Variants in PIK3R4 observed in about 807,000 individuals in gnomAD.
The protein encoded by PIK3R4 is phosphoinositide-3-kinase regulatory subunit 4.
A neutral mutation model predicts 136.5 loss-of-function variants in PIK3R4; 46 were observed. That is an observed-to-expected ratio of 0.34 (90% confidence interval 0.27 to 0.43). The LOEUF (loss-of-function observed/expected upper bound fraction) is 0.43. Ranked by LOEUF, PIK3R4 falls within the 20% of genes least tolerant of loss-of-function variation. The pLI, the probability that PIK3R4 is intolerant of heterozygous loss-of-function variation, is 1.00. For missense variants in PIK3R4, 1,331 were observed against 1,649.5 expected, an observed-to-expected ratio of 0.81 and a Z score of 3.35; for synonymous variants, 557 against 566.7, an observed-to-expected ratio of 0.98 and a Z score of 0.24.
In PIK3R4 at chr3:130,686,242, A is replaced by G; in HGVS notation, c.3444T>C (p.Ala1148=). ...DLKSGLITSF[A]VDIHQCWLCI... is the part of the protein sequence containing the mutation. Reference sequence around the variant, plus strand: ...AGAGCCAGCATTGGTGGATGTCCACAGCAAAGGAAGTGATGAGGCCCGACT... The same window carrying G: ...AGAGCCAGCATTGGTGGATGTCCACGGCAAAGGAAGTGATGAGGCCCGACT... The change falls in exon 15 of 20, where the codon GCT becomes GCC. Residue 1148 remains alanine, a synonymous_variant. Transcript: ENST00000356763. 6.2e-7 allele frequency: 1 copy of G among 1,613,292 alleles called. No individual in the cohort carries two copies. Among genetic ancestry groups the G allele is most frequent in the Non-Finnish European group, 8.5e-7 (1 of 1,179,314 alleles).
chr3:130,699,688 G>A (rs1459626164), intron 13 of PIK3R4, among the ~76,000 whole-genome samples: 2 of 152,078 alleles, frequency 1.3e-5, no homozygotes, highest in Non-Finnish European at 2.9e-5. Context: ...CAGATTTTTG[G>A]AGGTCCTTAC....
chr3:130,743,241 T>C (rs1449617472), intron 2 of PIK3R4, among the ~76,000 whole-genome samples: 3 of 151,216 alleles, frequency 2.0e-5, no homozygotes, highest in African/African-American at 7.3e-5. Context: ...TAAAATAGTC[T>C]CTACCAAAAA....
intron 8 of PIK3R4, among the ~76,000 whole-genome samples, chr3:130,717,743 T>C (rs1194713341): frequency 1.1e-4 from 17 of 152,112 alleles, no homozygotes; most frequent in Admixed American, 6.5e-4. Flanking sequence ...CTGGTAAAAA[T>C]AGGAACTTTC....
At position 130,733,809 on chromosome 3, in the gene PIK3R4, C is replaced by G; in HGVS notation, c.1189G>C (p.Ala397Pro). 1 of 1,614,150 alleles carries G rather than the reference C, an allele frequency of 6.2e-7. No individual in the cohort carries two copies. The change falls in exon 4 of 20, where the codon GCT becomes CCT. Residue 397 changes from alanine to proline, a missense_variant. Coordinates refer to ENST00000356763, the MANE Select transcript of PIK3R4 (RefSeq NM_014602.3). ...QTLKYCDSKL[A>P]ALELILHLAP... ...AAATGAAGAATCAGTTCCAAAGCAG[C>G]TAGTTTGGAATCACAGTATTTAAGG...
intron 13 of PIK3R4, among the ~76,000 whole-genome samples, chr3:130,700,856 T>C (rs550565425): frequency 1.3e-5 from 2 of 152,346 alleles, no homozygotes; most frequent in South Asian, 4.1e-4. Flanking sequence ...TCTTACCCTC[T>C]TTCCCAAGCC....
intron 7 of PIK3R4, among the ~76,000 whole-genome samples, chr3:130,721,479 C>A (rs4682634): frequency 6.6e-6 from 1 of 151,768 alleles, no homozygotes; most frequent in African/African-American, 2.4e-5. Context: ...TCACAAGAGT[C>A]GACATAGGAA....
Position 130,690,574 on chromosome 3 carries a change from G to A in PIK3R4, c.3179C>T (p.Ala1060Val). 2 of 1,612,280 alleles carry A rather than the reference G, an allele frequency of 1.2e-6. No homozygotes were observed. The highest frequency in any genetic ancestry group is 1.7e-6 in the Non-Finnish European group (2 of 1,178,402). The change falls in exon 14 of 20, where the codon GCA (alanine) becomes GTA (valine). Residue 1060 changes from alanine to valine, a missense_variant. Transcript: ENST00000356763. ...AAGCTGGACAGCACCATTATCAGAT[G>A]CTATGGCTAAATAGTGGGAGCCTTG... ...FCQGSHYLAI[A>V]SDNGAVQLLG... is the part of the protein sequence containing the mutation.
At chr3:130,742,851 C>T (rs1019006707) in intron 2 of PIK3R4, among the ~76,000 whole-genome samples, 3 of 152,204 alleles carry the variant, frequency 2.0e-5, no homozygotes, top group African/African-American at 7.2e-5. Context: ...CACACTTCTT[C>T]CTCTCTATCC....
chr3:130,728,810 C>G (rs1255618987), intron 5 of PIK3R4, 126 bp from the exon 6 acceptor site: 3 of 603,148 alleles, frequency 5.0e-6, no homozygotes, highest in Non-Finnish European at 2.6e-6. Flanking sequence ...TTACAGAATC[C>G]ACCGAAGACT....
At chr3:130,710,154 G>A (rs1385566150) in intron 9 of PIK3R4, among the ~76,000 whole-genome samples, 7 of 151,962 alleles carry the variant, frequency 4.6e-5, no homozygotes, top group African/African-American at 2.4e-5. Context: ...CCACTAAAGT[G>A]AGCAAACCAA....
At position 130,684,380 on chromosome 3, in the gene PIK3R4, A is replaced by G; in HGVS notation, c.3477T>C (p.Gly1159=). ...VDIHQCWLCI[G]TSSGTMACWD... ...AACAAGCCATGGTACCACTGCTTGTACCTTAAAGAAAAAAGGAAAAAAAGA... is the reference window on the plus strand; with the variant it reads ...AACAAGCCATGGTACCACTGCTTGTGCCTTAAAGAAAAAAGGAAAAAAAGA... The change falls in exon 16 of 20, where the codon GGT becomes GGC. Residue 1159 remains glycine (G), a splice_region_variant and synonymous_variant. Coordinates refer to ENST00000356763, the MANE Select transcript of PIK3R4 (RefSeq NM_014602.3). 6.2e-7 allele frequency: 1 copy of G among 1,612,496 alleles called. No homozygotes were observed. The highest frequency in any genetic ancestry group is 8.5e-7 in the Non-Finnish European group (1 of 1,178,772).
chr3:130,696,997 C>T (rs2066549515), intron 13 of PIK3R4, among the ~76,000 whole-genome samples: 1 of 149,906 alleles, frequency 6.7e-6, no homozygotes, highest in Non-Finnish European at 1.5e-5. Context: ...ATAAAATCTC[C>T]TTGGTTGTCT....
intron 2 of PIK3R4, 45 bp from the exon 3 acceptor site, chr3:130,736,047 T>A (rs376078766): frequency 2.5e-5 from 33 of 1,331,828 alleles, no homozygotes; most frequent in South Asian, 2.0e-4. Flanking sequence ...AGATAAAAAA[T>A]ATCATGCAAT....
chr3:130,691,153 C>G (rs777714634), intron 13 of PIK3R4, among the ~76,000 whole-genome samples: 15 of 152,114 alleles, frequency 9.9e-5, no homozygotes, highest in Non-Finnish European at 1.8e-4. Context: ...ACTTGTGGTC[C>G]TGATCCTATC....
intron 13 of PIK3R4, among the ~76,000 whole-genome samples, chr3:130,692,444 T>C (rs1010217934): frequency 1.3e-5 from 2 of 152,222 alleles, no homozygotes; most frequent in Admixed American, 6.5e-5. Context: ...ACATTTCATA[T>C]AAATACAGTC....
At chr3:130,689,063 A>G (rs559232765) in intron 14 of PIK3R4, among the ~76,000 whole-genome samples, 2 of 152,354 alleles carry the variant, frequency 1.3e-5, no homozygotes, top group South Asian at 4.1e-4. Context: ...ACAAATTCTA[A>G]TTAGTAAGAG....
chr3:130,723,996 A>T (rs1032408385), intron 6 of PIK3R4: 2 of 153,354 alleles, frequency 1.3e-5, no homozygotes, highest in Admixed American at 1.3e-4. Flanking sequence ...ACATGTAAGG[A>T]CTATTAAAAG....
intron 1 of PIK3R4, among the ~76,000 whole-genome samples, chr3:130,745,767 T>A (rs1438548074): frequency 6.6e-6 from 1 of 152,194 alleles, no homozygotes; most frequent in Non-Finnish European, 1.5e-5. Flanking sequence ...CTCACGCCTG[T>A]AATCCCAGCA....
At chr3:130,739,367 C>T (rs930369488) in intron 2 of PIK3R4, among the ~76,000 whole-genome samples, 4 of 151,994 alleles carry the variant, frequency 2.6e-5, no homozygotes, top group East Asian at 1.9e-4. Flanking sequence ...TGAGCGACCG[C>T]GCTGGCCTTT....
Sources: gnomAD v4.1 joint callset for allele counts (sites outside exome capture counted in the v4.1 genomes callset) on GRCh38, gnomAD v4.1.1 for gene constraint, MANE v1.5 for transcripts, NCBI Gene and HGNC (gene_info 2026-07-23, HGNC 2026-07-21) for gene names.